RBFOX1: variants seen among roughly 807,000 people sequenced by gnomAD.
RBFOX1 encodes RNA binding protein fox-1 homolog 1.
A neutral mutation model predicts 57.7 loss-of-function variants in RBFOX1; 8 were observed. The observed-to-expected ratio is 0.14, with a 90% CI of 0.08 to 0.25. The LOEUF (loss-of-function observed/expected upper bound fraction) is 0.25, where lower values mean the gene tolerates loss of function less well. Among genes scored for constraint, RBFOX1 ranks in the 10% least tolerant of loss-of-function variants. The probability of loss-of-function intolerance (pLI) is 1.00; values close to 1 mark genes in which losing one functional copy is unlikely to be tolerated. For missense variants in RBFOX1, 611 were observed against 548.5 expected, an observed-to-expected ratio of 1.11 and a Z score of -1.14; for synonymous variants, 326 against 222.4, an observed-to-expected ratio of 1.47 and a Z score of -4.15.
rs550489478 is a variant in RBFOX1, at chr16:6,703,394, T to G, written c.-16+48744T>G. Among the ~76,000 whole-genome samples the G allele has an allele frequency of 1.1e-4, 17 of 151,978 alleles. No homozygotes were observed. In the South Asian group the frequency reaches 2.7e-3, roughly 24 times the overall value. On this transcript the variant is annotated intron_variant, in intron 3 of 15. Transcript: ENST00000550418. Reference sequence around the variant, plus strand: ...TTTGAGGCCAGCCTAGGCAACATAGTGAGACCCCATCTCTACAGAAAATAT... The same window carrying G: ...TTTGAGGCCAGCCTAGGCAACATAGGGAGACCCCATCTCTACAGAAAATAT...
intron 4 of RBFOX1, among the ~76,000 whole-genome samples, chr16:5,876,201 G>A (rs1230069411): frequency 1.3e-5 from 2 of 152,012 alleles, no homozygotes; most frequent in Non-Finnish European, 2.9e-5. Flanking sequence ...CAAATGGGGG[G>A]AAAAACAGCT....
chr16:6,082,070 G>T (rs186601617), intron 1 of RBFOX1, among the ~76,000 whole-genome samples: 20 of 152,046 alleles, frequency 1.3e-4, no homozygotes, highest in African/African-American at 4.1e-4. Flanking sequence ...TGGTGTCTGT[G>T]TCTGTATAAT....
chr16:6,072,360 A>C, intron 1 of RBFOX1, among the ~76,000 whole-genome samples: 1 of 152,176 alleles, frequency 6.6e-6, no homozygotes, highest in East Asian at 1.9e-4. Flanking sequence ...GTCATTGGAC[A>C]CTTAGGTGGC....
chr16:7,000,418 G>C (rs534357681), intron 3 of RBFOX1, among the ~76,000 whole-genome samples: 1 of 151,990 alleles, frequency 6.6e-6, no homozygotes, highest in Non-Finnish European at 1.5e-5. Flanking sequence ...TGAGGTCACC[G>C]GGTCATTTTT....
intron 2 of RBFOX1, among the ~76,000 whole-genome samples, chr16:5,476,613 TA>T (rs1374829874): frequency 6.6e-6 from 1 of 152,214 alleles, no homozygotes; most frequent in Non-Finnish European, 1.5e-5. Context: ...CAAAGTAAGA[TA>T]AATTAAGTGT....
chr16:6,763,155 C>A (rs1039395600), intron 3 of RBFOX1, among the ~76,000 whole-genome samples: 4 of 152,128 alleles, frequency 2.6e-5, no homozygotes, highest in African/African-American at 9.7e-5. Context: ...CAGAAACTGC[C>A]CAATTTATCT....
intron 3 of RBFOX1, among the ~76,000 whole-genome samples, chr16:6,793,944 T>G (rs2083444407): frequency 6.6e-6 from 1 of 152,116 alleles, no homozygotes. Flanking sequence ...CATACTGAGA[T>G]GAAAACAAGA....
At chr16:6,553,619 C>T (rs1191151850) in intron 2 of RBFOX1, among the ~76,000 whole-genome samples, 6 of 151,666 alleles carry the variant, frequency 4.0e-5, no homozygotes, top group African/African-American at 7.3e-5. Flanking sequence ...TGAGAGTAGA[C>T]GCGGTGGGGA....
At chr16:6,630,975 G>A (rs2098378227) in intron 2 of RBFOX1, among the ~76,000 whole-genome samples, 1 of 152,080 alleles carries the variant, frequency 6.6e-6, no homozygotes, top group South Asian at 2.1e-4. Flanking sequence ...TAGATTTGGG[G>A]GAGGGAAGGA....
At chr16:6,487,363 G>C (rs1239689711) in intron 2 of RBFOX1, among the ~76,000 whole-genome samples, 1 of 151,994 alleles carries the variant, frequency 6.6e-6, no homozygotes, top group Non-Finnish European at 1.5e-5. Context: ...TGAGGTGCTT[G>C]CATAACCTAT....
rs186377018 is a variant in RBFOX1, at chr16:5,767,831, C to T, written c.319-99472C>T. On this transcript the variant is annotated intron_variant, in intron 3 of 19. Transcript: ENST00000641259. ...AGGGGCTCTCGACTTTGGCCACCTC[C>T]TCCCCCTCACTCAGCATAATTCTTT... Among the ~76,000 whole-genome samples the T allele has an allele frequency of 9.2e-5, 14 of 152,246 alleles. No homozygotes were observed. The East Asian group carries it at 2.3e-3, about 25-fold the overall frequency.
At chr16:5,759,145 G>T (rs2053501448) in intron 3 of RBFOX1, among the ~76,000 whole-genome samples, 1 of 152,060 alleles carries the variant, frequency 6.6e-6, no homozygotes, top group Non-Finnish European at 1.5e-5. Flanking sequence ...TTTATTTTTG[G>T]CAGTATCAGT....
chr16:6,224,011 T>C (rs2097397279), intron 1 of RBFOX1, among the ~76,000 whole-genome samples: 1 of 152,130 alleles, frequency 6.6e-6, no homozygotes, highest in Non-Finnish European at 1.5e-5. Flanking sequence ...CAGATAGTTG[T>C]AGATATGCGG....
intron 3 of RBFOX1, among the ~76,000 whole-genome samples, chr16:5,650,336 G>C (rs1266686338): frequency 6.6e-6 from 1 of 152,016 alleles, no homozygotes; most frequent in Non-Finnish European, 1.5e-5. Flanking sequence ...CGGTGGTGGT[G>C]GTGGTGGTGG....
chr16:5,751,480 A>T (rs374376060), intron 3 of RBFOX1, among the ~76,000 whole-genome samples: 2 of 152,148 alleles, frequency 1.3e-5, no homozygotes, highest in African/African-American at 2.4e-5. Flanking sequence ...TTAAAATCAG[A>T]TAGATTTGCA....
chr16:7,688,258 T>TGAGA (rs1468088533), intron 14 of RBFOX1, among the ~76,000 whole-genome samples: 14 of 128,396 alleles, frequency 1.1e-4, no homozygotes, highest in African/African-American at 4.2e-4. Flanking sequence ...TGTGTGTGTG[T>TGAGA]GTGAGAGAGA....
At chr16:7,193,270 G>A (rs535635717) in intron 4 of RBFOX1, among the ~76,000 whole-genome samples, 1 of 152,266 alleles carries the variant, frequency 6.6e-6, no homozygotes, top group South Asian at 2.1e-4. Flanking sequence ...TCTGTAAGAT[G>A]GAAGGAAGCC....
intron 1 of RBFOX1, among the ~76,000 whole-genome samples, chr16:6,296,067 T>G (rs762884046): frequency 5.3e-5 from 8 of 152,240 alleles, no homozygotes; most frequent in Non-Finnish European, 1.0e-4. Context: ...ATCTTCATCC[T>G]TTCAGCCGTA....
At chr16:5,767,880 C>T (rs896456829) in intron 3 of RBFOX1, among the ~76,000 whole-genome samples, 2 of 152,114 alleles carry the variant, frequency 1.3e-5, no homozygotes, top group Non-Finnish European at 2.9e-5. Context: ...TGTATGTCTT[C>T]ACAGCCCTTT....
Sources: allele counts gnomAD v4.1 joint callset (sites outside exome capture counted in the v4.1 genomes callset), GRCh38; gene constraint gnomAD v4.1.1; transcripts MANE v1.5; gene names NCBI Gene and HGNC (gene_info 2026-07-23, HGNC 2026-07-21).